NELL1: variants seen among roughly 807,000 people sequenced by gnomAD.
NELL1 encodes the protein protein kinase C-binding protein NELL1.
In NELL1, 76 loss-of-function variants were observed where a neutral mutation model predicts 107.4. The observed-to-expected ratio is 0.71, with a 90% CI of 0.59 to 0.86. NELL1 has a LOEUF of 0.86. NELL1 is among the 40% of genes least tolerant of loss of function. NELL1 has a pLI of 0.00. For missense variants in NELL1, 1,024 were observed against 1,005.5 expected (o/e 1.02, Z -0.25); for synonymous variants, 353 against 341.2 (o/e 1.03, Z -0.38).
intron 17 of NELL1, among the ~76,000 whole-genome samples, chr11:21,561,091 T>C (rs965640002): frequency 1.3e-5 from 2 of 152,154 alleles, no homozygotes; most frequent in African/African-American, 4.8e-5. Flanking sequence ...TTTTCCTTTG[T>C]TATTGCTCTA....
Position 20,760,920 on chromosome 11 carries a change from C to T in NELL1, c.185-22760C>T, listed in dbSNP as rs138899864. On this transcript the variant is annotated intron_variant, in intron 2 of 19. Coordinates refer to ENST00000357134, the MANE Select transcript of NELL1 (RefSeq NM_006157.5). ...AATCGGGTCTGGTGGAAGGAAAACT[C>T]GGCCCAACATCTCTAAATGCGCAGC... 6.5e-4 allele frequency among the ~76,000 whole-genome samples: 99 copies of T among 152,270 alleles called. 1 individual carries two copies. The highest frequency in any genetic ancestry group is 2.1e-3 in the African/African-American group (87 of 41,550).
intron 13 of NELL1, among the ~76,000 whole-genome samples, chr11:21,197,436 A>C (rs953705516): frequency 1.9e-4 from 24 of 128,902 alleles, no homozygotes; most frequent in Middle Eastern, 4.1e-3. Flanking sequence ...AAAAAAAAAA[A>C]CTGTAGCTTT....
intron 18 of NELL1, among the ~76,000 whole-genome samples, chr11:21,572,203 G>C (rs767947276): frequency 2.0e-5 from 3 of 151,784 alleles, no homozygotes; most frequent in Non-Finnish European, 4.4e-5. Flanking sequence ...AGAAGAATTA[G>C]TATTAATTTG....
intron 15 of NELL1, among the ~76,000 whole-genome samples, chr11:21,515,046 G>A (rs986722027): frequency 2.6e-5 from 4 of 152,168 alleles, no homozygotes; most frequent in Non-Finnish European, 4.4e-5. Context: ...AACAAATGGC[G>A]AAAGTATCTG....
At chr11:20,827,656 T>C (rs1857914070) in intron 3 of NELL1, among the ~76,000 whole-genome samples, 1 of 151,284 alleles carries the variant, frequency 6.6e-6, no homozygotes, top group South Asian at 2.1e-4. Flanking sequence ...CATGTATCAA[T>C]TACTTCTGCT....
In NELL1 at chr11:20,756,211, A is replaced by G. The variant is rs138468436; in HGVS notation, c.185-27469A>G. ...GCATTGTTTAATCGAGTCAAGTTCA[A>G]TATGATCCAGAGGAGTCTATGTCAT... is the stretch of plus-strand genomic sequence containing the variant. On this transcript the variant is annotated intron_variant, in intron 2 of 19. Coordinates refer to ENST00000357134, the MANE Select transcript of NELL1 (RefSeq NM_006157.5). 3.4e-3 allele frequency among the ~76,000 whole-genome samples: 513 copies of G among 152,070 alleles called. 3 individuals carry two copies. The highest frequency in any genetic ancestry group is 0.012 in the African/African-American group (481 of 41,498).
chr11:21,417,968 G>A (rs1309944283), intron 15 of NELL1, among the ~76,000 whole-genome samples: 4 of 152,020 alleles, frequency 2.6e-5, no homozygotes, highest in Non-Finnish European at 5.9e-5. Flanking sequence ...TAATTTAGAG[G>A]CTCACCATGT....
chr11:21,308,071 C>T (rs1022786135), intron 14 of NELL1, among the ~76,000 whole-genome samples: 4 of 151,970 alleles, frequency 2.6e-5, no homozygotes, highest in Non-Finnish European at 4.4e-5. Context: ...GTTGGAACGC[C>T]GGCTTTGCCA....
intron 5 of NELL1, among the ~76,000 whole-genome samples, chr11:20,891,251 C>G (rs995386183): frequency 6.6e-6 from 1 of 152,110 alleles, no homozygotes; most frequent in Non-Finnish European, 1.5e-5. Flanking sequence ...AATTTCATAT[C>G]CAGCCAAAGT....
chr11:20,808,326 T>TG (rs1288369787), intron 3 of NELL1, among the ~76,000 whole-genome samples: 3 of 152,110 alleles, frequency 2.0e-5, no homozygotes, highest in Non-Finnish European at 4.4e-5. Flanking sequence ...GGGCCTGGAA[T>TG]GGGGGCCTCA....
At chr11:21,517,565 G>A (rs1431675219) in intron 15 of NELL1, among the ~76,000 whole-genome samples, 1 of 152,108 alleles carries the variant, frequency 6.6e-6, no homozygotes, top group African/African-American at 2.4e-5. Context: ...CTTGAATATG[G>A]TAGCGTATAG....
intron 1 of NELL1, among the ~76,000 whole-genome samples, chr11:20,670,091 C>T (rs74316871): frequency 1.3e-5 from 2 of 152,122 alleles, no homozygotes; most frequent in Non-Finnish European, 2.9e-5. Flanking sequence ...AGTCGAAACC[C>T]GCAGCAGGGC....
chr11:20,715,303 G>GTT (rs71748513), intron 2 of NELL1, among the ~76,000 whole-genome samples: 5 of 145,090 alleles, frequency 3.4e-5, no homozygotes, highest in African/African-American at 1.3e-4. Context: ...CTGGGTTTTT[G>GTT]TTTTTTTTTT....
chr11:21,520,964 A>C (rs950196923), intron 15 of NELL1, among the ~76,000 whole-genome samples: 5 of 152,214 alleles, frequency 3.3e-5, no homozygotes, highest in African/African-American at 1.2e-4. Context: ...CTTTCAGTTC[A>C]ATAGAGTCCT....
chr11:20,858,794 T>C (rs542662409), intron 4 of NELL1, among the ~76,000 whole-genome samples: 1 of 152,184 alleles, frequency 6.6e-6, no homozygotes, highest in Non-Finnish European at 1.5e-5. Flanking sequence ...GCCTCCACAA[T>C]TAACCGTTTG....
At chr11:20,702,419 T>C (rs1456258819) in intron 2 of NELL1, among the ~76,000 whole-genome samples, 6 of 152,108 alleles carry the variant, frequency 3.9e-5, no homozygotes, top group Admixed American at 3.9e-4. Context: ...GCTGAGACAA[T>C]GGGGTTTTCT....
At chr11:21,287,552 A>G (rs977575567) in intron 14 of NELL1, among the ~76,000 whole-genome samples, 1 of 152,086 alleles carries the variant, frequency 6.6e-6, no homozygotes, top group Non-Finnish European at 1.5e-5. Flanking sequence ...CCTCATTCCA[A>G]TATCAATGCA....
chr11:20,950,714 C>T (rs979515761), intron 11 of NELL1, among the ~76,000 whole-genome samples: 11 of 152,318 alleles, frequency 7.2e-5, no homozygotes, highest in East Asian at 1.9e-4. Flanking sequence ...GCAGCAGCAT[C>T]GTTTGCTTTG....
At chr11:21,234,442 T>C (rs1370045187) in intron 14 of NELL1, among the ~76,000 whole-genome samples, 2 of 152,168 alleles carry the variant, frequency 1.3e-5, no homozygotes, top group Non-Finnish European at 2.9e-5. Context: ...GGTTTCTCAC[T>C]CCCTGACCAG....
Sources: allele counts gnomAD v4.1 joint callset (sites outside exome capture counted in the v4.1 genomes callset), GRCh38; gene constraint gnomAD v4.1.1; transcripts MANE v1.5; gene names NCBI Gene and HGNC (gene_info 2026-07-23, HGNC 2026-07-21).